RBFOX1: variants seen among roughly 807,000 people sequenced by gnomAD.
The protein encoded by RBFOX1 is RNA binding fox-1 homolog 1, also known as RNA binding protein fox-1 homolog 1.
A neutral mutation model predicts 57.7 loss-of-function variants in RBFOX1; 8 were observed. That is an observed-to-expected ratio of 0.14 (90% confidence interval 0.08 to 0.25). The LOEUF (loss-of-function observed/expected upper bound fraction) is 0.25, where lower values mean the gene tolerates loss of function less well. Among genes scored for constraint, RBFOX1 ranks in the 10% least tolerant of loss-of-function variants. The pLI is 1.00. For missense variants in RBFOX1, 611 were observed against 548.5 expected (o/e 1.11, Z -1.14); for synonymous variants, 326 against 222.4 (o/e 1.47, Z -4.15).
At chr16:7,546,014 T>TAAAAA (rs71150312) in intron 5 of RBFOX1, among the ~76,000 whole-genome samples, 2 of 134,140 alleles carry the variant, frequency 1.5e-5, no homozygotes, top group South Asian at 2.4e-4. Context: ...TCTGAGCTTA[T>TAAAAA]AAAAAAAAAA....
intron 3 of RBFOX1, among the ~76,000 whole-genome samples, chr16:6,881,520 C>G (rs890804370): frequency 5.3e-5 from 8 of 152,160 alleles, no homozygotes; most frequent in African/African-American, 1.4e-4. Context: ...TTTACATCAT[C>G]TTCCGTCTAT....
At chr16:6,508,081 G>A (rs543454370) in intron 2 of RBFOX1, among the ~76,000 whole-genome samples, 5 of 152,128 alleles carry the variant, frequency 3.3e-5, no homozygotes, top group African/African-American at 1.2e-4. Context: ...AATGGAGCTG[G>A]AGGTCATTAT....
intron 2 of RBFOX1, among the ~76,000 whole-genome samples, chr16:6,322,167 C>G (rs2081884602): frequency 6.6e-6 from 1 of 152,180 alleles, no homozygotes; most frequent in Non-Finnish European, 1.5e-5. Context: ...GCTCCAGGGA[C>G]TTCTTACTTA....
At chr16:6,394,109 C>T (rs890294056) in intron 2 of RBFOX1, among the ~76,000 whole-genome samples, 12 of 152,178 alleles carry the variant, frequency 7.9e-5, no homozygotes, top group Admixed American at 2.0e-4. Context: ...TCAAACAGGG[C>T]ACTAGTGTTC....
intron 5 of RBFOX1, among the ~76,000 whole-genome samples, chr16:7,561,705 A>C (rs955882844): frequency 1.3e-5 from 2 of 152,234 alleles, no homozygotes; most frequent in African/African-American, 4.8e-5. Context: ...AATACAAAGA[A>C]AGAAGTAATT....
intron 3 of RBFOX1, among the ~76,000 whole-genome samples, chr16:6,957,114 ATT>A (rs376343559): frequency 2.2e-3 from 174 of 79,692 alleles, no homozygotes; most frequent in African/African-American, 9.0e-3. Flanking sequence ...TTTTATTTTT[ATT>A]TTTATTTATT....
At chr16:6,795,869 C>T (rs1320553999) in intron 3 of RBFOX1, among the ~76,000 whole-genome samples, 3 of 151,798 alleles carry the variant, frequency 2.0e-5, no homozygotes, top group Admixed American at 2.0e-4. Context: ...CACAAAATCA[C>T]CCCCTGCCTT....
At chr16:6,958,043 A>C (rs1444758281) in intron 3 of RBFOX1, among the ~76,000 whole-genome samples, 1 of 152,168 alleles carries the variant, frequency 6.6e-6, no homozygotes, top group Non-Finnish European at 1.5e-5. Flanking sequence ...GGCATGGTTC[A>C]TCGAGGGGCC....
chr16:5,786,772 A>T (rs927975935), intron 3 of RBFOX1, among the ~76,000 whole-genome samples: 1 of 152,158 alleles, frequency 6.6e-6, no homozygotes, highest in Non-Finnish European at 1.5e-5. Context: ...TCTTAATGAG[A>T]TGACAGTGAG....
intron 2 of RBFOX1, among the ~76,000 whole-genome samples, chr16:5,486,791 T>C (rs891846279): frequency 2.7e-5 from 4 of 150,468 alleles, no homozygotes; most frequent in Non-Finnish European, 5.9e-5. Context: ...AACTCAGTGT[T>C]TTTTTTTTTC....
At chr16:6,866,835 C>G (rs1182375767) in intron 3 of RBFOX1, among the ~76,000 whole-genome samples, 5 of 151,928 alleles carry the variant, frequency 3.3e-5, no homozygotes, top group Admixed American at 2.6e-4. Flanking sequence ...AGCCACCGCG[C>G]CCAGCTAAAG....
At chr16:6,652,380 G>A (rs1489625180) in intron 2 of RBFOX1, among the ~76,000 whole-genome samples, 4 of 152,032 alleles carry the variant, frequency 2.6e-5, no homozygotes, top group African/African-American at 7.2e-5. Context: ...CCTGGGAGGT[G>A]GAGGTTGCAG....
intron 4 of RBFOX1, among the ~76,000 whole-genome samples, chr16:7,142,255 C>G (rs116085726): frequency 6.6e-6 from 1 of 152,092 alleles, no homozygotes; most frequent in Non-Finnish European, 1.5e-5. Flanking sequence ...ATCTGCTGAG[C>G]TCAAGCAATC....
intron 2 of RBFOX1, among the ~76,000 whole-genome samples, chr16:6,575,349 C>G (rs984751033): frequency 1.3e-5 from 2 of 152,140 alleles, no homozygotes. Context: ...ACTAAGTCCT[C>G]TCAACATTGT....
intron 2 of RBFOX1, among the ~76,000 whole-genome samples, chr16:5,520,120 G>A (rs2043953808): frequency 1.3e-5 from 2 of 152,208 alleles, no homozygotes; most frequent in African/African-American, 4.8e-5. Flanking sequence ...TCCAGGGAGG[G>A]GAATGGCTTG....
intron 14 of RBFOX1, among the ~76,000 whole-genome samples, chr16:7,694,261 C>G (rs2078098954): frequency 1.3e-5 from 2 of 152,218 alleles, no homozygotes; most frequent in African/African-American, 4.8e-5. Context: ...CCATGACCTT[C>G]AGACACATAC....
In RBFOX1 at chr16:5,701,048, A is replaced by G. The variant is rs557140273; in HGVS notation, c.318+102087A>G. Among the ~76,000 whole-genome samples the G allele has an allele frequency of 3.4e-4, 51 of 152,200 alleles. 2 individuals are homozygous for G. Among genetic ancestry groups the G allele is most frequent in the African/African-American group, 1.0e-3 (42 of 41,538 alleles). ...CAAATATGCTGTGTTCTTGATCTAG[A>G]TTTTTCTTCTTTTAATAGCCTCTCA... On this transcript the variant is annotated intron_variant, in intron 3 of 19. Coordinates refer to the RBFOX1 transcript ENST00000641259.
At chr16:5,730,870 TCAC>T (rs901969725) in intron 3 of RBFOX1, among the ~76,000 whole-genome samples, 1 of 152,046 alleles carries the variant, frequency 6.6e-6, no homozygotes, top group African/African-American at 2.4e-5. Context: ...ATCATTGTCA[TCAC>T]CACTATTATC....
chr16:7,044,553 A>T (rs1401390799), intron 3 of RBFOX1, among the ~76,000 whole-genome samples: 2 of 152,172 alleles, frequency 1.3e-5, no homozygotes, highest in East Asian at 3.9e-4. Context: ...TTCAGTTTCT[A>T]ACCTTTCATA....
Sources: gnomAD v4.1 joint callset for allele counts (sites outside exome capture counted in the v4.1 genomes callset) on GRCh38, gnomAD v4.1.1 for gene constraint, MANE v1.5 for transcripts, NCBI Gene and HGNC (gene_info 2026-07-23, HGNC 2026-07-21) for gene names.